Variants in SLC35E3 observed in about 807,000 individuals in gnomAD.
SLC35E3 encodes bladder cancer-overexpressed gene 1 protein.
A neutral mutation model predicts 30.8 loss-of-function variants in SLC35E3; 28 were observed. The observed-to-expected ratio is 0.91, with a 90% CI of 0.67 to 1.25. The LOEUF (loss-of-function observed/expected upper bound fraction) is 1.25, where lower values mean the gene tolerates loss of function less well. Among genes scored for constraint, SLC35E3 ranks in the 50% most tolerant of loss-of-function variants. The probability of loss-of-function intolerance (pLI) is 0.00; values close to 1 mark genes in which losing one functional copy is unlikely to be tolerated. For synonymous variants in SLC35E3, 146 were observed against 149.2 expected (o/e 0.98, Z 0.16); for missense variants, 365 against 375.4 (o/e 0.97, Z 0.23).
At chr12:68,755,770 C>CA (rs1420831761) in intron 3 of SLC35E3, among the ~76,000 whole-genome samples, 1 of 152,146 alleles carries the variant, frequency 6.6e-6, no homozygotes, top group Non-Finnish European at 1.5e-5. Flanking sequence ...AGCAAGAACT[C>CA]ACTCATTACC....
rs1458889086 is a variant in SLC35E3 at position 68,777,750 on chromosome 12, G to A, written c.*12860G>A. ...TCACAGAATTTATGAACTACTCCTA[G>A]ATCATGCAATTAATAAGTCCTCTAG... On this transcript the variant is annotated 3_prime_UTR_variant, in exon 5 of 5. Coordinates refer to ENST00000398004, the MANE Select transcript of SLC35E3 (RefSeq NM_018656.5). 1 of 152,168 alleles carries A rather than the reference G, an allele frequency of 6.6e-6. No individual in the cohort carries two copies. The highest frequency in any genetic ancestry group is 2.4e-5 in the African/African-American group (1 of 41,434). 9.4% of individuals were successfully genotyped at this position (152,168 alleles called of 1,614,324 possible). A position where few individuals can be genotyped will look rare whatever the true frequency, so the allele number is the denominator to read the frequency against.
At chr12:68,753,548 G>A (rs1878884502) in intron 3 of SLC35E3, among the ~76,000 whole-genome samples, 1 of 152,042 alleles carries the variant, frequency 6.6e-6, no homozygotes, top group Non-Finnish European at 1.5e-5. Context: ...CCATTTTGGT[G>A]AGGATCATTT....
Position 68,753,111 on chromosome 12 carries a change from CA to C in SLC35E3, c.672+938del, listed in dbSNP as rs34737156. Reference sequence around the variant, plus strand: ...CAGTGAGCTGGGATCACACCTGTCTCAAAAAAAAAAAAAAAAAGAATTAGCT... The same window carrying C: ...CAGTGAGCTGGGATCACACCTGTCTCAAAAAAAAAAAAAAAAGAATTAGCT... On this transcript the variant is annotated intron_variant, in intron 3 of 4. Coordinates refer to ENST00000398004, the MANE Select transcript of SLC35E3 (RefSeq NM_018656.5). Among the ~76,000 whole-genome samples the C allele has an allele frequency of 3.3e-3, 406 of 122,338 alleles. 3 individuals carry two copies. Among genetic ancestry groups the C allele is most frequent in the Middle Eastern group, 4.3e-3 (1 of 230 alleles). 80.3% of individuals were successfully genotyped at this position (122,338 alleles called of 152,430 possible).
rs1253440691 is a variant in SLC35E3, at chr12:68,776,494, CAG to C, written c.*11607_*11608del. 1 of 150,178 alleles carries C rather than the reference CAG, an allele frequency of 6.7e-6. No individual in the cohort carries two copies. Among genetic ancestry groups the C allele is most frequent in the Non-Finnish European group, 1.5e-5 (1 of 68,004 alleles). The allele number at this position is 150,178 out of a possible 1,614,324, so 9.3% of individuals were successfully genotyped here. On this transcript the variant is annotated 3_prime_UTR_variant, in exon 5 of 5. Coordinates refer to ENST00000398004, the MANE Select transcript of SLC35E3 (RefSeq NM_018656.5). The stretch of plus-strand genomic sequence containing the variant: ...CATCACTGCACTCCAGCCTGGGAGA[CAG>C]AGTGAGACTCCGTCTCAAAAAAAAA...
At chr12:68,762,895 GC>G (rs1365113161) in intron 4 of SLC35E3, among the ~76,000 whole-genome samples, 2 of 152,202 alleles carry the variant, frequency 1.3e-5, no homozygotes, top group African/African-American at 4.8e-5. Context: ...GAACCTCCAG[GC>G]TGCTTAGGTG....
chr12:68,755,710 G>A (rs1015134178), intron 3 of SLC35E3, among the ~76,000 whole-genome samples: 6 of 152,098 alleles, frequency 3.9e-5, no homozygotes, highest in African/African-American at 1.2e-4. Flanking sequence ...AGAGAGAGGG[G>A]AGGAAATGCC....
chr12:68,746,855 CACTGG>C, intron 1 of SLC35E3, 76 bp downstream of exon 1: 1 of 1,409,842 alleles, frequency 7.1e-7, no homozygotes, highest in South Asian at 1.4e-5. Flanking sequence ...TTCGAACGCA[CACTGG>C]TCTTTCCCTT....
chr12:68,756,773 G>A (rs549818334), intron 3 of SLC35E3, among the ~76,000 whole-genome samples: 35 of 152,258 alleles, frequency 2.3e-4, no homozygotes, highest in African/African-American at 7.5e-4. Context: ...AGGTCAGGGC[G>A]GGCGGATCAC....
rs776771224 is a variant in SLC35E3 at position 68,758,729 on chromosome 12, C to CTTTTTT, written c.673-403_673-398dup. Among the ~76,000 whole-genome samples, 91 of 48,440 alleles carry CTTTTTT rather than the reference C, an allele frequency of 1.9e-3. 4 individuals carry two copies. Among genetic ancestry groups the CTTTTTT allele is most frequent in the African/African-American group, 2.4e-3 (30 of 12,336 alleles). 31.8% of individuals were successfully genotyped at this position (48,440 alleles called of 152,430 possible). A position where few individuals can be genotyped will look rare whatever the true frequency, so the allele number is the denominator to read the frequency against. ...TGTCTCCCAACCCCAAATTCTCTTT[C>CTTTTTT]TTTTTTTTTTTTTTTTTTTTTTTTT... On this transcript the variant is annotated intron_variant, in intron 3 of 4. Coordinates refer to ENST00000398004, the MANE Select transcript of SLC35E3 (RefSeq NM_018656.5).
At chr12:68,763,695 A>G (rs1384683638) in intron 4 of SLC35E3, among the ~76,000 whole-genome samples, 4 of 152,172 alleles carry the variant, frequency 2.6e-5, no homozygotes, top group African/African-American at 4.8e-5. Flanking sequence ...GTGCCTGGCC[A>G]CAAGTAATTT....
intron 3 of SLC35E3, among the ~76,000 whole-genome samples, chr12:68,758,293 G>C (rs926750815): frequency 6.6e-6 from 1 of 151,920 alleles, no homozygotes; most frequent in East Asian, 1.9e-4. Context: ...AGTGGCAGGC[G>C]CCTGTAGTCC....
In SLC35E3 at chr12:68,770,391, G is replaced by C. The variant is rs2136084197; in HGVS notation, c.*5501G>C. On this transcript the variant is annotated 3_prime_UTR_variant, in exon 5 of 5. Coordinates refer to ENST00000398004, the MANE Select transcript of SLC35E3 (RefSeq NM_018656.5). The stretch of plus-strand genomic sequence containing the variant: ...TGGAGGAGAACCAGAGAGATGCCAG[G>C]AGACCAGTTAGTTGGGAGATGACTG... The C allele has an allele frequency of 2.0e-5, 3 of 152,552 alleles. No homozygotes were observed. In the Middle Eastern group the frequency reaches 0.01, roughly 519 times the overall value. The allele number at this position is 152,552 out of a possible 1,614,324, so 9.4% of individuals were successfully genotyped here. A position where few individuals can be genotyped will look rare whatever the true frequency, so the allele number is the denominator to read the frequency against.
At position 68,746,776 on chromosome 12, in the gene SLC35E3, G is replaced by A. The variant is rs753054850; in HGVS notation, c.399G>A (p.Thr133=). ...QKTFSTRIQL[T]LIPITLGVIL... ...CCTTCTCCACCAGAATCCAGCTCAC[G>A]CTGGTGAGTAGCTTCAGCTTCCCAA... The change falls in exon 1 of 5, where the codon ACG becomes ACA. Residue 133 remains threonine, a synonymous_variant. Coordinates refer to ENST00000398004, the MANE Select transcript of SLC35E3 (RefSeq NM_018656.5). 2 of 1,575,774 alleles carry A rather than the reference G, an allele frequency of 1.3e-6. No individual in the cohort carries two copies. Among genetic ancestry groups the A allele is most frequent in the Non-Finnish European group, 1.7e-6 (2 of 1,157,916 alleles).
At position 68,752,104 on chromosome 12, in the gene SLC35E3, T is replaced by C; in HGVS notation, c.586T>C (p.Ser196Pro). ...GCTGTACTACCAGGCTCCGATGTCA[T>C]CTGCCATGTTGCTGGTTGCTGTGCC... ...QLLYYQAPMS[S>P]AMLLVAVPFF... Residue 196 changes from serine to proline, a missense_variant, in exon 3 of 5, where the codon TCT becomes CCT. By Grantham distance (74) the Ser-to-Pro change is moderately conservative. Coordinates refer to ENST00000398004, the MANE Select transcript of SLC35E3 (RefSeq NM_018656.5). 6.2e-7 allele frequency: 1 copy of C among 1,614,028 alleles called. No homozygotes were observed. The highest frequency in any genetic ancestry group is 1.3e-5 in the African/African-American group (1 of 75,066).
chr12:68,749,059 C>T (rs1411062459), intron 2 of SLC35E3, among the ~76,000 whole-genome samples: 1 of 152,136 alleles, frequency 6.6e-6, no homozygotes, highest in African/African-American at 2.4e-5. Context: ...CTTGTTTTTG[C>T]CTAGTATAGG....
Position 68,746,776 on chromosome 12 carries a change from G to C in SLC35E3, c.399G>C (p.Thr133=). The part of the protein sequence containing the change: ...QKTFSTRIQL[T]LIPITLGVIL... ...CCTTCTCCACCAGAATCCAGCTCAC[G>C]CTGGTGAGTAGCTTCAGCTTCCCAA... The change falls in exon 1 of 5, where the codon ACG becomes ACC. Residue 133 remains threonine, a synonymous_variant. Coordinates refer to ENST00000398004, the MANE Select transcript of SLC35E3 (RefSeq NM_018656.5). 1 of 1,575,774 alleles carries C rather than the reference G, an allele frequency of 6.3e-7. No homozygotes were observed. Among genetic ancestry groups the C allele is most frequent in the Non-Finnish European group, 8.6e-7 (1 of 1,157,916 alleles).
rs919395468 is a variant in SLC35E3, at chr12:68,758,906, A to T, written c.673-251A>T. Among the ~76,000 whole-genome samples, 4 of 151,766 alleles carry T rather than the reference A, an allele frequency of 2.6e-5. No individual in the cohort carries two copies. In the South Asian group the frequency reaches 8.4e-4, roughly 32 times the overall value. On this transcript the variant is annotated intron_variant, in intron 3 of 4. Transcript: ENST00000398004. ...ACAGGCGCCCGCCACTGCGCCCAGC[A>T]AATTTTTTATATTTTTAGTAGAGAT...
intron 4 of SLC35E3, among the ~76,000 whole-genome samples, chr12:68,761,371 G>A (rs971067094): frequency 3.3e-5 from 5 of 152,156 alleles, no homozygotes; most frequent in Non-Finnish European, 5.9e-5. Flanking sequence ...AACATAGTAA[G>A]ACCCTGTCTC....
rs750054643 is a variant in SLC35E3 at position 68,764,716 on chromosome 12, C to T, written c.768C>T (p.Phe256=). The change falls in exon 5 of 5, where the codon TTC becomes TTT. Residue 256 remains phenylalanine, a synonymous_variant. Transcript: ENST00000398004. ...GNTSPVTYNM[F]GHFKFCITLF... ...CCAAAAACCTCAGCTATAACATGTT[C>T]GGACACTTCAAGTTCTGCATTACTT... 67 of 1,613,624 alleles carry T rather than the reference C, an allele frequency of 4.2e-5. No individual in the cohort carries two copies. Among genetic ancestry groups the T allele is most frequent in the Non-Finnish European group, 5.1e-5 (60 of 1,179,756 alleles).
Sources: allele counts gnomAD v4.1 joint callset (sites outside exome capture counted in the v4.1 genomes callset), GRCh38; gene constraint gnomAD v4.1.1; transcripts MANE v1.5; gene names NCBI Gene and HGNC (gene_info 2026-07-23, HGNC 2026-07-21).